DDX1: variants seen among roughly 807,000 people sequenced by gnomAD.
DDX1 encodes DEAD-box helicase 1.
In DDX1, 28 loss-of-function variants were observed where a neutral mutation model predicts 108.7. That is an observed-to-expected ratio of 0.26 (90% CI 0.19 to 0.35). The LOEUF is 0.35. Ranked by LOEUF, DDX1 falls within the 10% of genes least tolerant of loss-of-function variation. The pLI, the probability that DDX1 is intolerant of heterozygous loss-of-function variation, is 1.00. For synonymous variants in DDX1, 295 were observed against 288.9 expected, an observed-to-expected ratio of 1.02 and a Z score of -0.21; for missense variants, 710 against 884.5, an observed-to-expected ratio of 0.80 and a Z score of 2.50.
chr2:15,630,246 C>T, intron 25 of DDX1, 136 bp downstream of exon 25: 1 of 846,242 alleles, frequency 1.2e-6, no homozygotes, highest in Non-Finnish European at 1.9e-6. Flanking sequence ...CTCCTTATTA[C>T]CCTCATAGTA....
chr2:15,617,548 T>A (rs929483776), intron 15 of DDX1, among the ~76,000 whole-genome samples: 3 of 152,122 alleles, frequency 2.0e-5, no homozygotes, highest in Non-Finnish European at 4.4e-5. Flanking sequence ...CTGGGAAAAA[T>A]TTTAAAAATG....
chr2:15,628,026 GTC>G (rs1459305114), intron 20 of DDX1, among the ~76,000 whole-genome samples: 5 of 151,926 alleles, frequency 3.3e-5, no homozygotes, highest in African/African-American at 9.7e-5. Flanking sequence ...TGAGAATTTT[GTC>G]TGTTACAAAA....
At chr2:15,608,527 C>CA (rs201822266) in intron 13 of DDX1, among the ~76,000 whole-genome samples, 1,028 of 93,724 alleles carry the variant, frequency 0.011, 4 homozygotes, top group Middle Eastern at 0.04. Flanking sequence ...GACTCCGTCT[C>CA]AAAAAAAAAA....
chr2:15,605,876 T>A, intron 10 of DDX1, 74 bp from the exon 11 acceptor site: 2 of 1,016,250 alleles, frequency 2.0e-6, no homozygotes, highest in Non-Finnish European at 2.9e-6. Flanking sequence ...GGTAAGCTGG[T>A]AGATTTGACA....
At chr2:15,611,005 G>A (rs1443272632) in intron 13 of DDX1, among the ~76,000 whole-genome samples, 1 of 150,348 alleles carries the variant, frequency 6.7e-6, no homozygotes, top group Non-Finnish European at 1.5e-5. Context: ...AAAGGTCTCT[G>A]GTTTTCCTAG....
chr2:15,599,160 A>T (rs1341233531), intron 5 of DDX1: 1 of 152,038 alleles, frequency 6.6e-6, no homozygotes, highest in Non-Finnish European at 1.5e-5. Flanking sequence ...AACATGTCTG[A>T]TTTTTCAGTT....
At chr2:15,608,116 GC>G (rs1665694374) in intron 13 of DDX1, among the ~76,000 whole-genome samples, 1 of 152,098 alleles carries the variant, frequency 6.6e-6, no homozygotes, top group Non-Finnish European at 1.5e-5. Context: ...TTTGAAGAAG[GC>G]TATACCATAT....
At chr2:15,608,277 C>T (rs1665697858) in intron 13 of DDX1, among the ~76,000 whole-genome samples, 1 of 152,146 alleles carries the variant, frequency 6.6e-6, no homozygotes, top group African/African-American at 2.4e-5. Flanking sequence ...GCCTGTATTC[C>T]CAGTACTTTG....
intron 12 of DDX1, 117 bp downstream of exon 12, chr2:15,606,381 C>A: frequency 3.0e-6 from 2 of 663,528 alleles, no homozygotes; most frequent in Non-Finnish European, 5.1e-6. Context: ...TTTAGTCACA[C>A]ATCTTTTTTT....
chr2:15,618,303 T>C, intron 16 of DDX1, 33 bp downstream of exon 16: 4 of 1,090,468 alleles, frequency 3.7e-6, no homozygotes, highest in Non-Finnish European at 5.6e-6. Flanking sequence ...TTAAAATGCA[T>C]GTAAACAATT....
intron 5 of DDX1, among the ~76,000 whole-genome samples, chr2:15,597,841 A>C (rs1007729111): frequency 1.3e-5 from 2 of 152,204 alleles, no homozygotes; most frequent in Non-Finnish European, 2.9e-5. Context: ...GTAAAAACCC[A>C]TGCTGGTGGG....
chr2:15,625,292 T>C (rs1035944934), intron 19 of DDX1, among the ~76,000 whole-genome samples: 12 of 152,162 alleles, frequency 7.9e-5, no homozygotes, highest in African/African-American at 2.9e-4. Context: ...AGAACAGTAG[T>C]AGTCCCCACA....
rs758138973 is a variant in DDX1, at chr2:15,631,084, A to G, written c.*178A>G. ...TTCAAAAAATGGCATCCCAATGAAA[A>G]TAAATTTGATGACTATATTTTCATG... On this transcript the variant is annotated 3_prime_UTR_variant, in exon 26 of 26. Coordinates refer to ENST00000233084, the MANE Select transcript of DDX1 (RefSeq NM_004939.3). 11 of 492,666 alleles carry G rather than the reference A, an allele frequency of 2.2e-5. No homozygotes were observed. The highest frequency in any genetic ancestry group is 3.5e-5 in the Non-Finnish European group (10 of 286,890). The allele number at this position is 492,666 out of a possible 1,614,324, so 30.5% of individuals were successfully genotyped here.
rs767883275 is a variant in DDX1, at chr2:15,623,580, G to C, written c.1592G>C (p.Gly531Ala). Reference protein sequence around the residue: ...NLEQYFIQQGGGPDKKGHQFS... With the variant: ...NLEQYFIQQGAGPDKKGHQFS... ...GAGCAGTACTTTATACAACAAGGAG[G>C]AGGTAATTTTTTCTCACTTGAAATA... Residue 531 changes from glycine to alanine, a missense_variant and splice_region_variant, in exon 19 of 26, where the codon GGA (glycine) becomes GCA (alanine). Around this residue, in one of 3 missense-constraint regions of DDX1, gnomAD observed 661 missense variants for 810.2 expected, o/e 0.82. Coordinates refer to ENST00000233084, the MANE Select transcript of DDX1 (RefSeq NM_004939.3). 37 of 1,612,236 alleles carry C rather than the reference G, an allele frequency of 2.3e-5. No individual in the cohort carries two copies. Among genetic ancestry groups the C allele is most frequent in the Non-Finnish European group, 3.1e-5 (36 of 1,179,008 alleles).
Position 15,611,941 on chromosome 2 carries a change from G to A in DDX1, c.957-1283G>A, listed in dbSNP as rs1276769336. On this transcript the variant is annotated intron_variant, in intron 13 of 25. Coordinates refer to ENST00000233084, the MANE Select transcript of DDX1 (RefSeq NM_004939.3). ...TGACCCCCCCACCTTCCTCCCGGACGAGGCGGCTGGCCGGGCGGGGGGCTG... is the reference window on the plus strand; with the variant it reads ...TGACCCCCCCACCTTCCTCCCGGACAAGGCGGCTGGCCGGGCGGGGGGCTG... Among the ~76,000 whole-genome samples, 8 of 117,150 alleles carry A rather than the reference G, an allele frequency of 6.8e-5. 1 individual carries two copies. Among genetic ancestry groups the A allele is most frequent in the Non-Finnish European group, 8.5e-5 (5 of 58,942 alleles). The allele number at this position is 117,150 out of a possible 152,430, so 76.9% of individuals were successfully genotyped here.
At chr2:15,627,421 A>G (rs945901089) in intron 20 of DDX1, 1 of 274,572 alleles carries the variant, frequency 3.6e-6, no homozygotes, top group Middle Eastern at 1.3e-3. Flanking sequence ...TTTTAGGAGA[A>G]GTATCATTGG....
intron 13 of DDX1, among the ~76,000 whole-genome samples, chr2:15,610,795 A>C (rs6745612): frequency 0.016 from 2,389 of 152,006 alleles, 61 homozygotes; most frequent in African/African-American, 0.05. Flanking sequence ...TCGTGACTTT[A>C]CCGCACTTCA....
At chr2:15,623,246 G>A (rs975131810) in intron 18 of DDX1, among the ~76,000 whole-genome samples, 190 bp from the exon 19 acceptor site, 3 of 152,074 alleles carry the variant, frequency 2.0e-5, no homozygotes, top group Non-Finnish European at 2.9e-5. Context: ...AAAAATAAAT[G>A]AATGAATGGT....
At chr2:15,628,731 C>A in intron 22 of DDX1, 21 bp downstream of exon 22, 2 of 1,612,054 alleles carry the variant, frequency 1.2e-6, no homozygotes, top group Non-Finnish European at 1.7e-6. Context: ...AATTTTTTTT[C>A]CCCCATTTTT....
Sources: allele counts gnomAD v4.1 joint callset (sites outside exome capture counted in the v4.1 genomes callset), GRCh38; gene constraint gnomAD v4.1.1; regional missense constraint gnomAD v4.1.1; transcripts MANE v1.5; gene names NCBI Gene and HGNC (gene_info 2026-07-23, HGNC 2026-07-21).